GUCY1A1: variants seen among roughly 807,000 people sequenced by gnomAD.
GUCY1A1 encodes guanylate cyclase 1 soluble subunit alpha 1, also known as guanylate cyclase soluble subunit alpha-1.
Under a neutral mutation model 64.5 loss-of-function variants are expected in GUCY1A1, and 48 were observed. The observed-to-expected ratio is 0.74, with a 90% CI of 0.59 to 0.95. GUCY1A1 has a LOEUF of 0.95. Among genes scored for constraint, GUCY1A1 ranks in the 40% least tolerant of loss-of-function variants. The probability of loss-of-function intolerance (pLI) is 0.00; values close to 1 mark genes in which losing one functional copy is unlikely to be tolerated. For missense variants in GUCY1A1, 804 were observed against 825.3 expected (o/e 0.97, Z 0.32); for synonymous variants, 308 against 303.4 (o/e 1.02, Z -0.16).
At chr4:155,716,336 A>G (rs1164393654) in intron 7 of GUCY1A1, among the ~76,000 whole-genome samples, 1 of 152,142 alleles carries the variant, frequency 6.6e-6, no homozygotes, top group African/African-American at 2.4e-5. Context: ...AGGGTCTTAT[A>G]GTTACAATAA....
At chr4:155,713,720 A>G in intron 7 of GUCY1A1, 137 bp downstream of exon 7, 2 of 820,716 alleles carry the variant, frequency 2.4e-6, no homozygotes, top group Non-Finnish European at 3.8e-6. Flanking sequence ...GGGAGCAGGT[A>G]TGGTGCATTC....
intron 2 of GUCY1A1, among the ~76,000 whole-genome samples, chr4:155,681,894 C>G (rs560461258): frequency 6.6e-6 from 1 of 152,306 alleles, no homozygotes; most frequent in African/African-American, 2.4e-5. Context: ...CACCTCCACC[C>G]TAGATTCCCT....
At chr4:155,695,200 G>T (rs1411130292) in intron 2 of GUCY1A1, among the ~76,000 whole-genome samples, 1 of 152,168 alleles carries the variant, frequency 6.6e-6, no homozygotes, top group African/African-American at 2.4e-5. Flanking sequence ...ATCCCATGGG[G>T]ATCAGATACT....
At chr4:155,713,820 C>G (rs921883956) in intron 7 of GUCY1A1, among the ~76,000 whole-genome samples, 1 of 152,028 alleles carries the variant, frequency 6.6e-6, no homozygotes, top group African/African-American at 2.4e-5. Context: ...ACTGTCCTCT[C>G]AAAGAATGAG....
chr4:155,698,118 C>T (rs1333271064), intron 3 of GUCY1A1, among the ~76,000 whole-genome samples: 4 of 152,158 alleles, frequency 2.6e-5, no homozygotes, highest in Non-Finnish European at 5.9e-5. Context: ...CCAGGAAGTG[C>T]TAGGGAAGTT....
chr4:155,724,342 C>T (rs753680073), intron 9 of GUCY1A1, among the ~76,000 whole-genome samples: 10 of 152,178 alleles, frequency 6.6e-5, no homozygotes, highest in South Asian at 4.1e-4. Context: ...TTTCCAAGTC[C>T]GGCTTCTGCT....
chr4:155,727,157 G>A (rs891719847), intron 9 of GUCY1A1, among the ~76,000 whole-genome samples: 5 of 151,978 alleles, frequency 3.3e-5, no homozygotes, highest in African/African-American at 1.2e-4. Flanking sequence ...GGTGAAGAAG[G>A]TGTAGAGAAA....
intron 9 of GUCY1A1, among the ~76,000 whole-genome samples, chr4:155,724,553 A>G (rs1289008005): frequency 6.6e-6 from 1 of 152,052 alleles, no homozygotes; most frequent in Admixed American, 6.6e-5. Flanking sequence ...ATCCTCTCAG[A>G]AGCATTTGAA....
chr4:155,698,849 T>C (rs1730736691), intron 3 of GUCY1A1, among the ~76,000 whole-genome samples: 1 of 152,172 alleles, frequency 6.6e-6, no homozygotes, highest in South Asian at 2.1e-4. Flanking sequence ...ATGCTTTCCA[T>C]TGAGTTTTTC....
intron 2 of GUCY1A1, among the ~76,000 whole-genome samples, chr4:155,680,007 T>C: frequency 6.6e-6 from 1 of 152,306 alleles, no homozygotes; most frequent in African/African-American, 2.4e-5. Context: ...TTCAGTGCTA[T>C]TTTTTCTTCT....
At chr4:155,715,821 C>T (rs2126893802) in intron 7 of GUCY1A1, among the ~76,000 whole-genome samples, 1 of 152,196 alleles carries the variant, frequency 6.6e-6, no homozygotes, top group East Asian at 1.9e-4. Context: ...ACTCAAAGGG[C>T]TTACATATGA....
At chr4:155,689,468 C>T (rs533086774) in intron 2 of GUCY1A1, among the ~76,000 whole-genome samples, 9 of 152,088 alleles carry the variant, frequency 5.9e-5, no homozygotes, top group East Asian at 1.9e-4. Flanking sequence ...AGTCATCACA[C>T]GGGAGAGTTT....
intron 2 of GUCY1A1, among the ~76,000 whole-genome samples, chr4:155,681,637 A>T (rs1735789395): frequency 1.3e-5 from 2 of 151,752 alleles, no homozygotes; most frequent in African/African-American, 4.8e-5. Flanking sequence ...CCTCTTTCAT[A>T]TTCATTCTCA....
chr4:155,697,413 C>G (rs552041061), intron 3 of GUCY1A1, among the ~76,000 whole-genome samples: 12 of 152,222 alleles, frequency 7.9e-5, no homozygotes, highest in Admixed American at 2.0e-4. Context: ...TTCCTTATCC[C>G]TAAAATGGAA....
chr4:155,674,476 A>G (rs1734618221), intron 2 of GUCY1A1, among the ~76,000 whole-genome samples: 1 of 151,600 alleles, frequency 6.6e-6, no homozygotes, highest in South Asian at 2.1e-4. Flanking sequence ...TAAAATAAAG[A>G]AGGGTTAGAT....
chr4:155,702,966 A>G (rs969545527), intron 3 of GUCY1A1, among the ~76,000 whole-genome samples: 4 of 150,422 alleles, frequency 2.7e-5, no homozygotes, highest in Non-Finnish European at 5.9e-5. Context: ...TTCTATATAT[A>G]TAATATATAG....
At chr4:155,686,304 A>G (rs1001236157) in intron 2 of GUCY1A1, among the ~76,000 whole-genome samples, 1 of 151,916 alleles carries the variant, frequency 6.6e-6, no homozygotes, top group Non-Finnish European at 1.5e-5. Flanking sequence ...GGTGAAACCT[A>G]GTCTCTACTA....
chr4:155,686,320 C>CAA (rs1270785515), intron 2 of GUCY1A1, among the ~76,000 whole-genome samples: 2 of 146,496 alleles, frequency 1.4e-5, no homozygotes, highest in African/African-American at 5.0e-5. Context: ...TACTAAAATA[C>CAA]AAAAAAAAAA....
At chr4:155,701,292 C>T (rs372870972) in intron 3 of GUCY1A1, among the ~76,000 whole-genome samples, 106 of 152,244 alleles carry the variant, frequency 7.0e-4, no homozygotes, top group African/African-American at 1.3e-3. Context: ...ATGCTTTGCA[C>T]GGACTTTATT....
Sources: allele counts gnomAD v4.1 joint callset (sites outside exome capture counted in the v4.1 genomes callset), GRCh38; gene constraint gnomAD v4.1.1; transcripts MANE v1.5; gene names NCBI Gene and HGNC (gene_info 2026-07-23, HGNC 2026-07-21).